The following KCNIP3 variants were observed in gnomAD, a reference collection of about 807,000 sequenced individuals.
KCNIP3 encodes calsenilin.
KCNIP3 carries 28 observed loss-of-function variants against 35.0 expected under a neutral mutation model. The observed-to-expected ratio is 0.80, with a 90% CI of 0.59 to 1.10. The LOEUF (loss-of-function observed/expected upper bound fraction) is 1.10. Among genes scored for constraint, KCNIP3 ranks in the 50% least tolerant of loss-of-function variants. KCNIP3 has a pLI of 0.00. For missense variants in KCNIP3, 295 were observed against 338.4 expected, an observed-to-expected ratio of 0.87 and a Z score of 1.01; for synonymous variants, 134 against 133.8, an observed-to-expected ratio of 1.00 and a Z score of -0.01.
intron 8 of KCNIP3, 142 bp from the exon 9 acceptor site, chr2:95,383,860 T>G (rs1410599481): frequency 1.3e-6 from 1 of 749,020 alleles, no homozygotes; most frequent in Non-Finnish European, 2.4e-6. Context: ...TTCACCTCCC[T>G]GTCCCCCAGC....
intron 2 of KCNIP3, chr2:95,347,083 C>A (rs980215614): frequency 1.2e-6 from 2 of 1,612,228 alleles, no homozygotes; most frequent in Non-Finnish European, 1.7e-6. Flanking sequence ...CATCGCCGTC[C>A]TCAAGCAGTT....
chr2:95,360,982 C>T (rs1679785476), intron 2 of KCNIP3, among the ~76,000 whole-genome samples: 1 of 152,196 alleles, frequency 6.6e-6, no homozygotes, highest in Non-Finnish European at 1.5e-5. Flanking sequence ...TGGCCCAGGA[C>T]TAGCCCCTGG....
chr2:95,325,807 ACT>A (rs142610891), intron 2 of KCNIP3, among the ~76,000 whole-genome samples: 4,573 of 151,030 alleles, frequency 0.03, 98 homozygotes, highest in Non-Finnish European at 0.044. Flanking sequence ...ACACACATAC[ACT>A]CATACACACA....
Position 95,381,826 on chromosome 2 carries a change from C to G in KCNIP3, c.555+123C>G, listed in dbSNP as rs996976922. On this transcript the variant is annotated intron_variant, in intron 6 of 8. Transcript: ENST00000295225. ...TCTTCTCCCGCTGTCCATCCAGAGA[C>G]TGGCCCCAGGGACAGCAGCCAGTGG... is the stretch of plus-strand genomic sequence containing the variant. The G allele has an allele frequency of 6.9e-6, 5 of 722,008 alleles. No individual in the cohort carries two copies. In the Admixed American group the frequency reaches 1.1e-4, roughly 16 times the overall value. The allele number at this position is 722,008 out of a possible 1,614,324, so 44.7% of individuals were successfully genotyped here.
intron 2 of KCNIP3, among the ~76,000 whole-genome samples, chr2:95,325,627 T>TCACA (rs367656900): frequency 4.1e-4 from 60 of 145,184 alleles, no homozygotes; most frequent in Admixed American, 1.5e-3. Flanking sequence ...ACACACACAC[T>TCACA]CACACACACA....
At chr2:95,319,940 G>A (rs1252741067) in intron 2 of KCNIP3, among the ~76,000 whole-genome samples, 1 of 152,192 alleles carries the variant, frequency 6.6e-6, no homozygotes, top group Non-Finnish European at 1.5e-5. Context: ...ACAAGGGAGG[G>A]AGGGCAAGAG....
intron 2 of KCNIP3, among the ~76,000 whole-genome samples, chr2:95,325,966 T>C (rs1457948448): frequency 4.5e-5 from 6 of 134,414 alleles, no homozygotes; most frequent in African/African-American, 8.6e-5. Flanking sequence ...CACACACTCA[T>C]AGGCACACAT....
At chr2:95,318,080 C>A (rs2104221642) in intron 2 of KCNIP3, among the ~76,000 whole-genome samples, 1 of 152,172 alleles carries the variant, frequency 6.6e-6, no homozygotes, top group East Asian at 1.9e-4. Context: ...TGGGCAGTGG[C>A]CCTGGGAGCA....
chr2:95,347,152 C>T (rs1468217496), intron 2 of KCNIP3: 3 of 1,571,242 alleles, frequency 1.9e-6, no homozygotes, highest in South Asian at 2.3e-5. Context: ...CCCTTCGCCG[C>T]CTCCGCCGCA....
intron 5 of KCNIP3, among the ~76,000 whole-genome samples, chr2:95,379,996 T>C (rs1680296545): frequency 6.6e-6 from 1 of 152,210 alleles, no homozygotes; most frequent in Admixed American, 6.5e-5. Context: ...TGATTGCTCC[T>C]ACCCACTTTC....
At chr2:95,311,138 G>T in intron 2 of KCNIP3, 1 of 158,676 alleles carries the variant, frequency 6.3e-6, no homozygotes, top group Non-Finnish European at 1.4e-5. Flanking sequence ...TAACAGGGCT[G>T]AACAGACAAT....
At chr2:95,373,048 C>T (rs1026576332) in intron 2 of KCNIP3, among the ~76,000 whole-genome samples, 5 of 152,166 alleles carry the variant, frequency 3.3e-5, no homozygotes. Context: ...AGGACAGCTG[C>T]CCCTGAAGAG....
intron 2 of KCNIP3, among the ~76,000 whole-genome samples, chr2:95,331,900 T>C (rs1423062921): frequency 1.3e-5 from 2 of 152,178 alleles, no homozygotes; most frequent in Admixed American, 6.5e-5. Flanking sequence ...CAACTTCTTG[T>C]AGCCAACCAT....
chr2:95,372,351 A>T (rs1196554624), intron 2 of KCNIP3, among the ~76,000 whole-genome samples: 1 of 152,058 alleles, frequency 6.6e-6, no homozygotes, highest in African/African-American at 2.4e-5. Context: ...CTCCTGCCAA[A>T]AATGCTGTTG....
chr2:95,379,279 C>T (rs1256462985), intron 5 of KCNIP3, among the ~76,000 whole-genome samples: 1 of 152,220 alleles, frequency 6.6e-6, no homozygotes, highest in Non-Finnish European at 1.5e-5. Flanking sequence ...TTGTCCATTG[C>T]GATGATCTTT....
Position 95,325,714 on chromosome 2 carries a change from CAT to C in KCNIP3, c.181+15196_181+15197del, listed in dbSNP as rs1445259298. On this transcript the variant is annotated intron_variant, in intron 2 of 8. Coordinates refer to ENST00000295225, the MANE Select transcript of KCNIP3 (RefSeq NM_013434.5). ...ATACACACTCATACATACACACAGTCATACACTTATACACATACACACTCATA... is the reference window on the plus strand; with the variant it reads ...ATACACACTCATACATACACACAGTCACACTTATACACATACACACTCATA... Among the ~76,000 whole-genome samples the C allele has an allele frequency of 4.6e-5, 7 of 151,712 alleles. No individual in the cohort carries two copies. The East Asian group carries it at 1.2e-3, about 25-fold the overall frequency.
intron 2 of KCNIP3, among the ~76,000 whole-genome samples, chr2:95,319,305 C>T (rs1269436161): frequency 2.0e-5 from 3 of 152,156 alleles, no homozygotes; most frequent in Non-Finnish European, 4.4e-5. Context: ...CTCGGAGAGC[C>T]CAGGGTTCCT....
intron 2 of KCNIP3, among the ~76,000 whole-genome samples, chr2:95,348,318 C>T (rs1441267328): frequency 5.9e-5 from 9 of 152,232 alleles, no homozygotes. Flanking sequence ...GTGGGACATA[C>T]AGGTGCTGGG....
Position 95,297,383 on chromosome 2 carries a change from T to C in KCNIP3, c.-56T>C. 1 of 1,549,444 alleles carries C rather than the reference T, an allele frequency of 6.5e-7. No individual in the cohort carries two copies. The highest frequency in any genetic ancestry group is 8.7e-7 in the Non-Finnish European group (1 of 1,144,766). ...AGCTGCCAGCCGGCCTGGGCAGTCT[T>C]GTCTGCCTCGGCTGTGAAGTGGGGA... On this transcript the variant is annotated 5_prime_UTR_variant, in exon 1 of 9. Coordinates refer to ENST00000295225, the MANE Select transcript of KCNIP3 (RefSeq NM_013434.5).
Sources: allele counts gnomAD v4.1 joint callset (sites outside exome capture counted in the v4.1 genomes callset), GRCh38; gene constraint gnomAD v4.1.1; transcripts MANE v1.5; gene names NCBI Gene and HGNC (gene_info 2026-07-23, HGNC 2026-07-21).